The following ZNF776 variants were observed in gnomAD, a reference collection of about 807,000 sequenced individuals.
The protein encoded by ZNF776 is zinc finger protein 776.
A neutral mutation model predicts 7.0 loss-of-function variants in ZNF776; 4 were observed. The ratio of observed to expected loss-of-function variants is 0.57; its 90% CI spans 0.28 to 1.31. The LOEUF is 1.31. ZNF776 is among the 50% of genes most tolerant of loss of function. ZNF776 has a pLI of 0.10. For synonymous variants in ZNF776, 212 were observed against 213.7 expected (o/e 0.99, Z 0.07); for missense variants, 555 against 625.9 (o/e 0.89, Z 1.21).
At chr19:57,748,809 G>A (rs1167556518) in intron 1 of ZNF776, among the ~76,000 whole-genome samples, 6 of 152,058 alleles carry the variant, frequency 3.9e-5, no homozygotes, top group Non-Finnish European at 5.9e-5. Flanking sequence ...TGACACTTAG[G>A]CCAGAGTGGT....
rs1473979329 is a variant in ZNF776, at chr19:57,753,939, A to T, written c.809A>T (p.Asp270Val). 1 of 1,614,212 alleles carries T rather than the reference A, an allele frequency of 6.2e-7. No individual in the cohort carries two copies. The highest frequency in any genetic ancestry group is 8.5e-7 in the Non-Finnish European group (1 of 1,180,034). ...GKRPYQCGQC[D>V]ESFWYKAHLT... ...AGACCTTATCAGTGTGGACAATGTG[A>T]TGAATCATTTTGGTATAAGGCCCAC... The change falls in exon 3 of 3, where the codon GAT (aspartate) becomes GTT (valine). Residue 270 changes from aspartate (D) to valine (V), a missense_variant. Asp to Val is a radical substitution (Grantham distance 152). Transcript: ENST00000317178.
intron 2 of ZNF776, among the ~76,000 whole-genome samples, chr19:57,751,272 G>C (rs1986594488): frequency 6.6e-6 from 1 of 152,190 alleles, no homozygotes; most frequent in South Asian, 2.1e-4. Context: ...GCCTGTGCTA[G>C]GAATTCCTCC....
chr19:57,751,881 T>TG (rs1244292568), intron 2 of ZNF776, among the ~76,000 whole-genome samples: 7 of 133,930 alleles, frequency 5.2e-5, no homozygotes, highest in African/African-American at 1.9e-4. Context: ...TTTTTTTTTT[T>TG]TTTTTTTTTG....
At chr19:57,751,108 C>T (rs1014056124) in intron 2 of ZNF776, among the ~76,000 whole-genome samples, 197 bp downstream of exon 2, 1 of 152,126 alleles carries the variant, frequency 6.6e-6, no homozygotes, top group African/African-American at 2.4e-5. Context: ...AGCCCCAACA[C>T]CTGCTTTGCT....
At chr19:57,747,461 A>G (rs1387330294) in intron 1 of ZNF776, among the ~76,000 whole-genome samples, 1 of 152,314 alleles carries the variant, frequency 6.6e-6, no homozygotes, top group Admixed American at 6.5e-5. Flanking sequence ...GAAAAGATCA[A>G]TGTCCAGGCT....
At chr19:57,751,868 G>GTTTTTTTTTTTTTT (rs768825787) in intron 2 of ZNF776, among the ~76,000 whole-genome samples, 11 of 67,506 alleles carry the variant, frequency 1.6e-4, no homozygotes, top group Non-Finnish European at 2.4e-4. Context: ...TTTTGGTTTT[G>GTTTTTTTTTTTTTT]TTTTTTTTTT....
At position 57,756,379 on chromosome 19, in the gene ZNF776, G is replaced by A. The variant is rs1421265683; in HGVS notation, c.*1692G>A. The A allele has an allele frequency of 6.6e-6, 1 of 152,176 alleles. No individual in the cohort carries two copies. Among genetic ancestry groups the A allele is most frequent in the Non-Finnish European group, 1.5e-5 (1 of 68,064 alleles). The allele number at this position is 152,176 out of a possible 1,614,324, so 9.4% of individuals were successfully genotyped here. The stretch of plus-strand genomic sequence containing the variant: ...TTCAATCTTGGGAATTGTATTGACT[G>A]TATTGTGTGAATTGTATACTCACTG... On this transcript the variant is annotated 3_prime_UTR_variant, in exon 3 of 3. Transcript: ENST00000317178.
intron 1 of ZNF776, among the ~76,000 whole-genome samples, chr19:57,748,748 G>A (rs1487847273): frequency 1.3e-5 from 2 of 152,082 alleles, no homozygotes; most frequent in African/African-American, 4.8e-5. Flanking sequence ...TTCAAGGAGA[G>A]AATAGACATG....
chr19:57,753,327 A>G lies in ZNF776; in HGVS notation c.197A>G (p.Lys66Arg). 2 of 1,613,872 alleles carry G rather than the reference A, an allele frequency of 1.2e-6. No individual in the cohort carries two copies. The highest frequency in any genetic ancestry group is 1.7e-6 in the Non-Finnish European group (2 of 1,179,902). Reference sequence around the variant, plus strand: ...GGAGCAAAAGACGAGACACCTTCTAAGCAGACCCTTTCTATACAACAGGAG... The same window carrying G: ...GGAGCAAAAGACGAGACACCTTCTAGGCAGACCCTTTCTATACAACAGGAG... Reference protein sequence around the residue: ...WYGAKDETPSKQTLSIQQESP... With the variant: ...WYGAKDETPSRQTLSIQQESP... Residue 66 changes from lysine (K) to arginine (R), a missense_variant, in exon 3 of 3, where the codon AAG (lysine) becomes AGG (arginine). Coordinates refer to ENST00000317178, the MANE Select transcript of ZNF776 (RefSeq NM_173632.4).
At position 57,754,598 on chromosome 19, in the gene ZNF776, T is replaced by C; in HGVS notation, c.1468T>C (p.Cys490Arg). 6.2e-7 allele frequency: 1 copy of C among 1,613,814 alleles called. No individual in the cohort carries two copies. Among genetic ancestry groups the C allele is most frequent in the Non-Finnish European group, 8.5e-7 (1 of 1,179,946 alleles). Residue 490 changes from cysteine (C) to arginine (R), a missense_variant, in exon 3 of 3, where the codon TGT becomes CGT. Physicochemically the swap from Cys to Arg is radical, Grantham distance 180 (BLOSUM62 -3). Transcript: ENST00000317178. ...QIHSGERPHE[C>R]GECGKCFRQK... ...TCACTCTGGAGAAAGGCCACATGAG[T>C]GTGGAGAATGTGGAAAGTGTTTTCG...
chr19:57,752,284 G>A (rs1464353664), intron 2 of ZNF776, among the ~76,000 whole-genome samples: 1 of 152,182 alleles, frequency 6.6e-6, no homozygotes, highest in Admixed American at 6.5e-5. Flanking sequence ...GATTATAGGT[G>A]TGAGCCACTG....
At chr19:57,752,436 T>A (rs946103949) in intron 2 of ZNF776, among the ~76,000 whole-genome samples, 19 of 152,200 alleles carry the variant, frequency 1.2e-4, no homozygotes, top group African/African-American at 2.4e-5. Context: ...CTCATGTAAA[T>A]TCCATGTATA....
At position 57,753,369 on chromosome 19, in the gene ZNF776, A is replaced by C. The variant is rs781403724; in HGVS notation, c.239A>C (p.His80Pro). Residue 80 changes from histidine (H) to proline (P), a missense_variant, in exon 3 of 3, where the codon CAT becomes CCT. Transcript: ENST00000317178. ...CAACAGGAGTCCCCACTCAGGACAC[A>C]TTGGACAGGTGTATGTACCAAGAAG... ...SIQQESPLRT[H>P]WTGVCTKKVH... 6.2e-7 allele frequency: 1 copy of C among 1,614,242 alleles called. No individual in the cohort carries two copies. Among genetic ancestry groups the C allele is most frequent in the Non-Finnish European group, 8.5e-7 (1 of 1,180,054 alleles).
chr19:57,756,756 G>A lies in ZNF776; in HGVS notation c.*2069G>A, dbSNP rs190953239. 5.5e-6 allele frequency: 2 copies of A among 360,716 alleles called. No homozygotes were observed. Among genetic ancestry groups the A allele is most frequent in the Non-Finnish European group, 1.1e-5 (2 of 181,884 alleles). The allele number at this position is 360,716 out of a possible 1,614,324, so 22.3% of individuals were successfully genotyped here. A position where few individuals can be genotyped will look rare whatever the true frequency, so the allele number is the denominator to read the frequency against. On this transcript the variant is annotated 3_prime_UTR_variant, in exon 3 of 3. Coordinates refer to ENST00000317178, the MANE Select transcript of ZNF776 (RefSeq NM_173632.4). ...TGCTCAGTACTGGTGAGGGAAATCT[G>A]TTCTCAAGTCCTACAGTGCATTCAT...
At position 57,754,758 on chromosome 19, in the gene ZNF776, TA is replaced by T; in HGVS notation, c.*72del. 8 of 1,494,022 alleles carry T rather than the reference TA, an allele frequency of 5.4e-6. No homozygotes were observed. The highest frequency in any genetic ancestry group is 6.4e-6 in the Non-Finnish European group (7 of 1,099,640). 92.5% of individuals were successfully genotyped at this position (1,494,022 alleles called of 1,614,324 possible). A position where few individuals can be genotyped will look rare whatever the true frequency, so the allele number is the denominator to read the frequency against. On this transcript the variant is annotated 3_prime_UTR_variant, in exon 3 of 3. Coordinates refer to ENST00000317178, the MANE Select transcript of ZNF776 (RefSeq NM_173632.4). ...TCGTGAGATCACACTGGAAAGCACT[TA>T]TGAGTATGGAGAATGTGCAAAATCA...
intron 2 of ZNF776, among the ~76,000 whole-genome samples, chr19:57,751,124 C>T (rs1205177437): frequency 3.3e-5 from 5 of 152,188 alleles, no homozygotes; most frequent in East Asian, 1.9e-4. Context: ...TTGCTGCAAG[C>T]TCCCAGAGAA....
intron 2 of ZNF776, among the ~76,000 whole-genome samples, chr19:57,751,868 G>GCTTTT (rs1986613708): frequency 1.5e-5 from 1 of 67,506 alleles, no homozygotes; most frequent in Non-Finnish European, 2.7e-5. Flanking sequence ...TTTTGGTTTT[G>GCTTTT]TTTTTTTTTT....
At chr19:57,748,424 T>C (rs867907941) in intron 1 of ZNF776, among the ~76,000 whole-genome samples, 1 of 152,216 alleles carries the variant, frequency 6.6e-6, no homozygotes, top group Middle Eastern at 3.4e-3. Flanking sequence ...GACGAATAAG[T>C]GTAGGCATCA....
In ZNF776 at chr19:57,754,150, A is replaced by C. The variant is rs1347717281; in HGVS notation, c.1020A>C (p.Arg340=). 4.3e-6 allele frequency: 7 copies of C among 1,614,032 alleles called. No homozygotes were observed. The highest frequency in any genetic ancestry group is 5.9e-6 in the Non-Finnish European group (7 of 1,179,990). The change falls in exon 3 of 3, where the codon CGA becomes CGC. Residue 340 remains arginine (R), a synonymous_variant. Coordinates refer to ENST00000317178, the MANE Select transcript of ZNF776 (RefSeq NM_173632.4). The part of the protein sequence containing the change: ...SHKRSLVHHQ[R]VHTGERPYQC... ...AGCGCAGCCTTGTTCACCACCAGCGAGTTCACACTGGAGAAAGACCTTATC... is the reference window on the plus strand; with the variant it reads ...AGCGCAGCCTTGTTCACCACCAGCGCGTTCACACTGGAGAAAGACCTTATC...
Sources: gnomAD v4.1 joint callset for allele counts (sites outside exome capture counted in the v4.1 genomes callset) on GRCh38, gnomAD v4.1.1 for gene constraint, MANE v1.5 for transcripts, NCBI Gene and HGNC (gene_info 2026-07-23, HGNC 2026-07-21) for gene names.